SH2D1A: variants seen among roughly 807,000 people sequenced by gnomAD.
SH2D1A encodes the protein SH2 domain containing 1A.
SH2D1A carries 6 observed loss-of-function variants against 10.1 expected under a neutral mutation model. The ratio of observed to expected loss-of-function variants is 0.60; its 90% CI spans 0.33 to 1.18. SH2D1A has a LOEUF of 1.18. SH2D1A is among the 50% of genes most tolerant of loss of function. The pLI is 0.04. For missense variants in SH2D1A, 51 were observed against 97.6 expected (o/e 0.52, Z 2.01); for synonymous variants, 42 against 36.9 (o/e 1.14, Z -0.51).
chrX:124,365,622 CT>C lies in SH2D1A; in HGVS notation c.138-136del, dbSNP rs1190786040. ...ATGGAGACAAGTTAGATTCACTATG[CT>C]TTACTTCCTATGAATGCAATGACAC... On this transcript the variant is annotated intron_variant, in intron 1 of 3. Coordinates refer to ENST00000371139, the MANE Select transcript of SH2D1A (RefSeq NM_002351.5). 1.2e-5 allele frequency: 6 copies of C among 483,157 alleles called. No individual in the cohort carries two copies. The African/African-American group carries it at 1.4e-4, about 11-fold the overall frequency. The allele number at this position is 483,157 out of a possible 1,213,427, so 39.8% of individuals were successfully genotyped here. A position where few individuals can be genotyped will look rare whatever the true frequency, so the allele number is the denominator to read the frequency against.
intron 1 of SH2D1A, among the ~76,000 whole-genome samples, chrX:124,361,142 A>C (rs2060039474): frequency 9.0e-6 from 1 of 111,667 alleles, no homozygotes; most frequent in Admixed American, 9.5e-5. Context: ...TGGAGATAGG[A>C]CCTCTAGGAG....
intron 1 of SH2D1A, among the ~76,000 whole-genome samples, chrX:124,347,129 G>A (rs747208873): frequency 1.4e-4 from 16 of 111,664 alleles, no homozygotes; most frequent in South Asian, 7.5e-4. Flanking sequence ...GACCCCTATC[G>A]GGTGGCGCCC....
chrX:124,363,169 A>G (rs756705679), intron 1 of SH2D1A, among the ~76,000 whole-genome samples: 77 of 112,027 alleles, frequency 6.9e-4, no homozygotes, highest in Non-Finnish European at 1.3e-3. Context: ...CAAATATACA[A>G]TATAGATATA....
chrX:124,348,452 G>A (rs1388835646), intron 1 of SH2D1A, among the ~76,000 whole-genome samples: 1 of 111,325 alleles, frequency 9.0e-6, no homozygotes, highest in Non-Finnish European at 1.9e-5. Flanking sequence ...AGCCTCACGG[G>A]GCTCCTGGCC....
intron 1 of SH2D1A, among the ~76,000 whole-genome samples, chrX:124,349,193 G>A (rs772275444): frequency 8.9e-6 from 1 of 112,043 alleles, no homozygotes; most frequent in Admixed American, 9.5e-5. Flanking sequence ...GTTCCCTTAC[G>A]GTGTCTTTCA....
chrX:124,364,531 A>G (rs180684608), intron 1 of SH2D1A: 4 of 192,084 alleles, frequency 2.1e-5, no homozygotes, highest in East Asian at 1.7e-4. Context: ...TTTTGAGACA[A>G]TCTCGCTCCG....
intron 1 of SH2D1A, among the ~76,000 whole-genome samples, chrX:124,351,241 A>C (rs2147523070): frequency 9.4e-6 from 1 of 106,816 alleles, no homozygotes; most frequent in East Asian, 2.9e-4. Context: ...TTAAGATGTT[A>C]TTTTTAATGG....
chrX:124,346,932 G>A (rs186396591), intron 1 of SH2D1A, among the ~76,000 whole-genome samples, 153 bp downstream of exon 1: 2 of 111,922 alleles, frequency 1.8e-5, no homozygotes, highest in East Asian at 5.6e-4. Context: ...CCAGCCCAGG[G>A]CCGTGGTGGA....
At chrX:124,350,060 T>C (rs1156279625) in intron 1 of SH2D1A, among the ~76,000 whole-genome samples, 2 of 95,141 alleles carry the variant, frequency 2.1e-5, no homozygotes, top group African/African-American at 3.8e-5. Context: ...CGTGTGCTCT[T>C]ACAATTGTAT....
intron 2 of SH2D1A, among the ~76,000 whole-genome samples, chrX:124,369,300 A>T (rs2060063838): frequency 8.9e-6 from 1 of 111,818 alleles, no homozygotes; most frequent in Non-Finnish European, 1.9e-5. Flanking sequence ...TTTACGTAAA[A>T]TGACAGGTTT....
At chrX:124,347,526 C>T (rs1339222130) in intron 1 of SH2D1A, among the ~76,000 whole-genome samples, 1 of 111,849 alleles carries the variant, frequency 8.9e-6, no homozygotes, top group Non-Finnish European at 1.9e-5. Flanking sequence ...AATTCATCTG[C>T]GTCTTTGCTC....
intron 1 of SH2D1A, among the ~76,000 whole-genome samples, chrX:124,352,305 T>C (rs1270580770): frequency 1.8e-5 from 2 of 111,678 alleles, no homozygotes; most frequent in Admixed American, 1.9e-4. Context: ...AATTCTTATA[T>C]ATAACAGTTA....
In SH2D1A at chrX:124,370,312, G is replaced by T. The variant is rs757900199; in HGVS notation, c.338G>T (p.Gly113Val). The T allele has an allele frequency of 1.7e-5, 20 of 1,202,816 alleles. No homozygotes were observed. The highest frequency in any genetic ancestry group is 2.1e-5 in the Non-Finnish European group (19 of 887,660). ...AAGTCCTCAGCTAGAAGTACACAAG[G>T]TACTACAGGTATGATTTCCTCTTAA... ...EKKSSARSTQ[G>V]TTGIREDPDV... Residue 113 changes from glycine to valine, a missense_variant, in exon 3 of 4, where the codon GGT (glycine) becomes GTT (valine). Coordinates refer to ENST00000371139, the MANE Select transcript of SH2D1A (RefSeq NM_002351.5).
Position 124,358,072 on chromosome X carries a change from T to C in SH2D1A, c.138-7689T>C, listed in dbSNP as rs150803661. Among the ~76,000 whole-genome samples the C allele has an allele frequency of 9.8e-3, 1,098 of 112,041 alleles. 7 individuals carry two copies. Among genetic ancestry groups the C allele is most frequent in the Middle Eastern group, 0.019 (4 of 215 alleles). ...TATGGTTTGCAAATATATTCTCCCATTCTGTAGGTTGTCTCTTCACTCTGT... is the reference window on the plus strand; with the variant it reads ...TATGGTTTGCAAATATATTCTCCCACTCTGTAGGTTGTCTCTTCACTCTGT... On this transcript the variant is annotated intron_variant, in intron 1 of 3. Coordinates refer to ENST00000371139, the MANE Select transcript of SH2D1A (RefSeq NM_002351.5).
chrX:124,349,569 T>G (rs1048087258), intron 1 of SH2D1A, among the ~76,000 whole-genome samples: 8 of 111,780 alleles, frequency 7.2e-5, no homozygotes, highest in Non-Finnish European at 1.3e-4. Flanking sequence ...TGTTTACTCC[T>G]ATTAACCAAG....
Position 124,371,801 on chromosome X carries a change from G to T in SH2D1A, c.*410G>T, listed in dbSNP as rs772933957. ...TGCTTGATTGTATGGTGGGAAGTTG[G>T]CTGGTGTCCCTTGTCTTTGCCAAGT... On this transcript the variant is annotated 3_prime_UTR_variant, in exon 4 of 4. Coordinates refer to ENST00000371139, the MANE Select transcript of SH2D1A (RefSeq NM_002351.5). 4.2e-5 allele frequency: 7 copies of T among 165,066 alleles called. No individual in the cohort carries two copies. The highest frequency in any genetic ancestry group is 8.1e-5 in the Admixed American group (1 of 12,371). 13.6% of individuals were successfully genotyped at this position (165,066 alleles called of 1,213,427 possible).
At chrX:124,365,875 AT>A in intron 2 of SH2D1A, 51 bp downstream of exon 2, 1 of 774,778 alleles carries the variant, frequency 1.3e-6, no homozygotes, top group Non-Finnish European at 2.0e-6. Context: ...GGTATTTGAA[AT>A]TTAGGCTGGT....
chrX:124,351,280 T>G (rs2060014415), intron 1 of SH2D1A, among the ~76,000 whole-genome samples: 1 of 107,629 alleles, frequency 9.3e-6, no homozygotes, highest in South Asian at 3.8e-4. Flanking sequence ...AGCTAGTAAG[T>G]ATACCATATT....
chrX:124,363,193 G>A (rs1240915422), intron 1 of SH2D1A, among the ~76,000 whole-genome samples: 1 of 111,713 alleles, frequency 9.0e-6, no homozygotes, highest in Admixed American at 9.5e-5. Flanking sequence ...TGAGTAATGG[G>A]AAGGAATGTT....
Sources: allele counts gnomAD v4.1 joint callset (sites outside exome capture counted in the v4.1 genomes callset), GRCh38; gene constraint gnomAD v4.1.1; transcripts MANE v1.5; gene names NCBI Gene and HGNC (gene_info 2026-07-23, HGNC 2026-07-21).